PLXNA4: variants seen among roughly 807,000 people sequenced by gnomAD.
The protein encoded by PLXNA4 is plexin-A4.
A neutral mutation model predicts 191.8 loss-of-function variants in PLXNA4; 44 were observed. The ratio of observed to expected loss-of-function variants is 0.23; its 90% CI spans 0.18 to 0.29. PLXNA4 has a LOEUF of 0.29. Ranked by LOEUF, PLXNA4 falls within the 10% of genes least tolerant of loss-of-function variation. The pLI, the probability that PLXNA4 is intolerant of heterozygous loss-of-function variation, is 1.00. For missense variants in PLXNA4, 1,800 were observed against 2,488.8 expected (o/e 0.72, Z 5.89); for synonymous variants, 1,082 against 1,009.5 (o/e 1.07, Z -1.36).
chr7:132,625,155 T>G (rs1416425791), intron 2 of PLXNA4, among the ~76,000 whole-genome samples: 1 of 152,162 alleles, frequency 6.6e-6, no homozygotes, highest in Non-Finnish European at 1.5e-5. Context: ...TGAAAGAACC[T>G]AAACCCTCCG....
At chr7:132,295,865 A>G (rs1257659711) in intron 4 of PLXNA4, among the ~76,000 whole-genome samples, 1 of 152,234 alleles carries the variant, frequency 6.6e-6, no homozygotes, top group Admixed American at 6.5e-5. Flanking sequence ...AGCTTATTAT[A>G]TGCCTATCTC....
intron 1 of PLXNA4, among the ~76,000 whole-genome samples, chr7:132,574,577 C>A (rs930922452): frequency 2.0e-5 from 3 of 152,218 alleles, no homozygotes; most frequent in Non-Finnish European, 4.4e-5. Context: ...TGTGTGCACA[C>A]GCCCACCATT....
intron 1 of PLXNA4, among the ~76,000 whole-genome samples, chr7:132,572,101 A>C (rs1802006616): frequency 6.6e-6 from 1 of 152,158 alleles, no homozygotes; most frequent in South Asian, 2.1e-4. Context: ...AAACCTCCCA[A>C]GGGGGCAGCA....
At chr7:132,161,742 G>A (rs529675734) in intron 24 of PLXNA4, among the ~76,000 whole-genome samples, 11 of 151,376 alleles carry the variant, frequency 7.3e-5, no homozygotes, top group East Asian at 3.9e-4. Context: ...GCAGGCTCCC[G>A]GGCGGGCACC....
intron 3 of PLXNA4, among the ~76,000 whole-genome samples, chr7:132,409,963 G>A (rs2117087344): frequency 6.6e-6 from 1 of 152,310 alleles, no homozygotes; most frequent in South Asian, 2.1e-4. Flanking sequence ...TGCCCTTGAA[G>A]TTTAAATATT....
chr7:132,140,857 G>A, intron 29 of PLXNA4, 46 bp from the exon 30 acceptor site: 1 of 1,607,242 alleles, frequency 6.2e-7, no homozygotes, highest in South Asian at 1.1e-5. Context: ...CGGGGCAGTG[G>A]GGCTGTGGTG....
chr7:132,185,048 G>C (rs541744739), intron 16 of PLXNA4, among the ~76,000 whole-genome samples: 3 of 152,312 alleles, frequency 2.0e-5, no homozygotes, highest in South Asian at 2.1e-4. Flanking sequence ...CACAGTGCCT[G>C]TCCTTGAACT....
chr7:132,639,405 C>A (rs1043363133), intron 2 of PLXNA4, among the ~76,000 whole-genome samples: 3 of 152,158 alleles, frequency 2.0e-5, no homozygotes, highest in Non-Finnish European at 2.9e-5. Flanking sequence ...AAACTCTCAC[C>A]ATCATGACCA....
At chr7:132,493,551 A>T (rs1797885966) in intron 2 of PLXNA4, among the ~76,000 whole-genome samples, 1 of 152,138 alleles carries the variant, frequency 6.6e-6, no homozygotes, top group Admixed American at 6.5e-5. Flanking sequence ...CATAGAATGC[A>T]TGGGGTACAA....
At chr7:132,139,352 G>A (rs1317426741) in intron 30 of PLXNA4, among the ~76,000 whole-genome samples, 1 of 152,172 alleles carries the variant, frequency 6.6e-6, no homozygotes, top group Admixed American at 6.6e-5. Flanking sequence ...GACAGAGGCT[G>A]TCTCTATCAT....
intron 21 of PLXNA4, among the ~76,000 whole-genome samples, chr7:132,173,106 T>TGCACAGTCTACACATCCAATCAC (rs1562896987): frequency 5.3e-5 from 8 of 152,052 alleles, no homozygotes; most frequent in African/African-American, 1.7e-4. Flanking sequence ...CATCCAATCA[T>TGCACAGTCTACACATCCAATCAC]ACACACACAC....
At position 132,508,214 on chromosome 7, in the gene PLXNA4, C is replaced by T. The variant is rs1798562397; in HGVS notation, c.480G>A (p.Leu160=). 3.1e-6 allele frequency: 5 copies of T among 1,614,228 alleles called. No individual in the cohort carries two copies. The highest frequency in any genetic ancestry group is 4.2e-6 in the Non-Finnish European group (5 of 1,180,040). ...GEPYHKKEHY[L]SGVNESGSVF... ...CTGAGCCGCTCTCGTTGACACCTGA[C>T]AGATAGTGCTCCTTCTTATGATAAG... The change falls in exon 2 of 32, where the codon CTG becomes CTA. Residue 160 remains leucine, a synonymous_variant. Coordinates refer to ENST00000321063, the MANE Select transcript of PLXNA4 (RefSeq NM_020911.2). This position sits in a 1 kb window ranked among gnomAD's most constrained non-coding sequence, Gnocchi z 4.4.
rs1404760089 is a variant in PLXNA4 at position 132,211,129 on chromosome 7, C to A, written c.2112G>T (p.Leu704=). 6 of 1,558,696 alleles carry A rather than the reference C, an allele frequency of 3.8e-6. No individual in the cohort carries two copies. The African/African-American group carries it at 8.2e-5, about 21-fold the overall frequency. The change falls in exon 10 of 32, where the codon CTG becomes CTT. Residue 704 remains leucine (L), a synonymous_variant. Coordinates refer to ENST00000321063, the MANE Select transcript of PLXNA4 (RefSeq NM_020911.2). The stretch of plus-strand genomic sequence containing the variant: ...GCACCAGGATCTTGTCCACTCGCAG[C>A]AGCTGGGGGCAGTCCTGGGGACAGA... ...RVKLPEDCPQ[L]LRVDKILVPV... is the part of the protein sequence containing the mutation.
chr7:132,276,554 T>C (rs1038964694), intron 4 of PLXNA4, among the ~76,000 whole-genome samples: 4 of 152,132 alleles, frequency 2.6e-5, no homozygotes, highest in Non-Finnish European at 5.9e-5. Flanking sequence ...AGCTTATTCA[T>C]GAACTGCATG....
chr7:132,225,634 C>A (rs1395501960), intron 8 of PLXNA4, among the ~76,000 whole-genome samples: 1 of 151,274 alleles, frequency 6.6e-6, no homozygotes, highest in Non-Finnish European at 1.5e-5. Context: ...CCACAGCTTT[C>A]TGCCTCCCTC....
chr7:132,311,872 C>A lies in PLXNA4; in HGVS notation c.1372-13650G>T, dbSNP rs528069053. ...GACAGCCTTCCCTGGGCTTAGAATG[C>A]TGGAGCTGAGAAGGGCATCCCTGTC... On this transcript the variant is annotated intron_variant, in intron 3 of 31. Coordinates refer to ENST00000321063, the MANE Select transcript of PLXNA4 (RefSeq NM_020911.2). Among the ~76,000 whole-genome samples the A allele has an allele frequency of 3.4e-4, 52 of 152,252 alleles. No homozygotes were observed. The East Asian group carries it at 9.3e-3, about 27-fold the overall frequency.
intron 4 of PLXNA4, among the ~76,000 whole-genome samples, chr7:132,284,442 T>A (rs1041763565): frequency 6.6e-6 from 1 of 152,228 alleles, no homozygotes; most frequent in African/African-American, 2.4e-5. Context: ...AACATTTATT[T>A]CCCAGCCTGT....
chr7:132,314,212 T>G (rs1584980300), intron 3 of PLXNA4, among the ~76,000 whole-genome samples: 1 of 152,336 alleles, frequency 6.6e-6, no homozygotes, highest in Non-Finnish European at 1.5e-5. Flanking sequence ...AACAAAAGTC[T>G]CATTTTGCAC....
intron 3 of PLXNA4, among the ~76,000 whole-genome samples, chr7:132,402,165 A>C (rs1260823474): frequency 6.6e-6 from 1 of 152,200 alleles, no homozygotes; most frequent in East Asian, 1.9e-4. Flanking sequence ...ACACCTCTTT[A>C]TTCTTATTTT....
Sources: gnomAD v4.1 joint callset for allele counts (sites outside exome capture counted in the v4.1 genomes callset) on GRCh38, gnomAD v4.1.1 for gene constraint, Gnocchi (gnomAD v3.1) non-coding constraint, MANE v1.5 for transcripts, NCBI Gene and HGNC (gene_info 2026-07-23, HGNC 2026-07-21) for gene names.